The following SGCZ variants were observed in gnomAD, a reference collection of about 807,000 sequenced individuals.
SGCZ encodes the protein sarcoglycan zeta.
Under a neutral mutation model 41.3 loss-of-function variants are expected in SGCZ, and 40 were observed. The observed-to-expected ratio is 0.97, with a 90% confidence interval of 0.75 to 1.26. The LOEUF (loss-of-function observed/expected upper bound fraction) is 1.26, where lower values mean the gene tolerates loss of function less well. Ranked by LOEUF, SGCZ falls within the 50% of genes most tolerant of loss-of-function variation. The probability of loss-of-function intolerance (pLI) is 0.00; values close to 1 mark genes in which losing one functional copy is unlikely to be tolerated. For missense variants in SGCZ, 552 were observed against 369.8 expected, an observed-to-expected ratio of 1.49 and a Z score of -4.04; for synonymous variants, 206 against 137.5, an observed-to-expected ratio of 1.50 and a Z score of -3.49.
At chr8:14,846,592 G>T (rs1803111850) in intron 1 of SGCZ, among the ~76,000 whole-genome samples, 1 of 149,030 alleles carries the variant, frequency 6.7e-6, no homozygotes, top group Non-Finnish European at 1.5e-5. Context: ...GAAATGGTCA[G>T]ATCTCTTTAA....
intron 2 of SGCZ, among the ~76,000 whole-genome samples, chr8:14,519,096 T>G (rs1044874313): frequency 6.7e-6 from 1 of 148,562 alleles, no homozygotes; most frequent in African/African-American, 2.5e-5. Context: ...GACAGAGATA[T>G]ATAGTGCCTG....
At chr8:14,632,277 C>G (rs1806683438) in intron 1 of SGCZ, among the ~76,000 whole-genome samples, 1 of 152,054 alleles carries the variant, frequency 6.6e-6, no homozygotes, top group Non-Finnish European at 1.5e-5. Context: ...CCCACATCAG[C>G]CTCCCAAAGC....
intron 2 of SGCZ, among the ~76,000 whole-genome samples, chr8:14,448,634 T>C (rs1199712752): frequency 1.3e-5 from 2 of 152,196 alleles, no homozygotes; most frequent in Non-Finnish European, 2.9e-5. Context: ...AATACAATCA[T>C]AACCAAAGAA....
At chr8:14,369,995 C>T (rs139266205) in intron 2 of SGCZ, among the ~76,000 whole-genome samples, 6 of 151,798 alleles carry the variant, frequency 4.0e-5, no homozygotes, top group African/African-American at 1.4e-4. Flanking sequence ...TGGAAATATC[C>T]CACATCTGGT....
At chr8:14,234,656 CACATAA>C (rs1220131444) in intron 4 of SGCZ, among the ~76,000 whole-genome samples, 4 of 151,754 alleles carry the variant, frequency 2.6e-5, no homozygotes. Flanking sequence ...CAAGGCCATA[CACATAA>C]AAACTGAAAG....
At chr8:14,884,314 A>G (rs1308392163) in intron 1 of SGCZ, among the ~76,000 whole-genome samples, 2 of 151,944 alleles carry the variant, frequency 1.3e-5, no homozygotes, top group African/African-American at 4.8e-5. Context: ...TGAGTATATA[A>G]TAAGTTTTAC....
chr8:14,904,913 G>A (rs971145550), intron 1 of SGCZ, among the ~76,000 whole-genome samples: 3 of 151,576 alleles, frequency 2.0e-5, no homozygotes, highest in Non-Finnish European at 2.9e-5. Flanking sequence ...CTCCTCCTAT[G>A]TTTTAAATTA....
At chr8:14,506,176 AAAAC>A (rs74273419) in intron 2 of SGCZ, among the ~76,000 whole-genome samples, 75 of 151,974 alleles carry the variant, frequency 4.9e-4, no homozygotes, top group African/African-American at 1.3e-3. Flanking sequence ...TGTCTACTAA[AAAAC>A]AAACAAACAA....
chr8:14,538,234 G>C (rs1803355583), intron 2 of SGCZ, among the ~76,000 whole-genome samples: 1 of 151,882 alleles, frequency 6.6e-6, no homozygotes, highest in African/African-American at 2.4e-5. Flanking sequence ...GTCTCTGAAT[G>C]CTTTTGATGT....
intron 5 of SGCZ, among the ~76,000 whole-genome samples, chr8:14,125,594 A>G (rs1419552615): frequency 6.6e-6 from 1 of 152,188 alleles, no homozygotes; most frequent in African/African-American, 2.4e-5. Context: ...CCATCAAACT[A>G]CAATGGACAT....
intron 2 of SGCZ, among the ~76,000 whole-genome samples, chr8:14,536,948 A>G (rs1803315585): frequency 6.6e-6 from 1 of 151,976 alleles, no homozygotes. Context: ...GTCTTAAGCC[A>G]AGATTCTATA....
At chr8:14,987,563 C>G (rs930588495) in intron 1 of SGCZ, among the ~76,000 whole-genome samples, 1 of 151,900 alleles carries the variant, frequency 6.6e-6, no homozygotes, top group African/African-American at 2.4e-5. Flanking sequence ...CCACTAGTAA[C>G]TTTTCTTATT....
intron 1 of SGCZ, among the ~76,000 whole-genome samples, chr8:14,637,925 C>G (rs1159124123): frequency 6.6e-6 from 1 of 151,840 alleles, no homozygotes; most frequent in Non-Finnish European, 1.5e-5. Flanking sequence ...AATTTACATT[C>G]CTACCATCAG....
intron 1 of SGCZ, among the ~76,000 whole-genome samples, chr8:14,964,451 C>A (rs4549773): frequency 0.95 from 144,478 of 152,228 alleles, 68,755 homozygotes; most frequent in East Asian, 0.99. Flanking sequence ...TTTTTTGGAG[C>A]TGGTGATGCT....
chr8:14,805,730 G>A (rs9650378), intron 1 of SGCZ, among the ~76,000 whole-genome samples: 260 of 152,132 alleles, frequency 1.7e-3, no homozygotes, highest in Non-Finnish European at 3.0e-3. Context: ...CCAAGCGGAC[G>A]TAATAGACAT....
In SGCZ at chr8:14,971,265, GT is replaced by G. The variant is rs1801287053; in HGVS notation, c.39+266319del. On this transcript the variant is annotated intron_variant, in intron 1 of 7. Coordinates refer to ENST00000382080, the MANE Select transcript of SGCZ (RefSeq NM_139167.4). ...ATTAAATTTTATTTTATTTCATTTT[GT>G]TTTTTTGCCTTGTTTCACTGGGTAA... is the stretch of plus-strand genomic sequence containing the variant. Among the ~76,000 whole-genome samples the G allele has an allele frequency of 2.0e-5, 3 of 151,930 alleles. No individual in the cohort carries two copies. The South Asian group carries it at 6.2e-4, about 32-fold the overall frequency.
chr8:14,992,040 T>A (rs1165212673), intron 1 of SGCZ, among the ~76,000 whole-genome samples: 1 of 149,720 alleles, frequency 6.7e-6, no homozygotes, highest in East Asian at 2.0e-4. Flanking sequence ...CTCCCAAATC[T>A]ACTCCCAAAA....
intron 1 of SGCZ, among the ~76,000 whole-genome samples, chr8:15,041,717 C>T (rs561303787): frequency 6.6e-5 from 10 of 152,156 alleles, no homozygotes; most frequent in African/African-American, 2.2e-4. Context: ...TATACATGCA[C>T]AAACACATGT....
At chr8:14,600,026 T>C (rs1487024151) in intron 1 of SGCZ, among the ~76,000 whole-genome samples, 1 of 152,212 alleles carries the variant, frequency 6.6e-6, no homozygotes, top group Non-Finnish European at 1.5e-5. Context: ...GAGGTCTTTA[T>C]CCTCAGCAAG....
Sources: gnomAD v4.1 joint callset for allele counts (sites outside exome capture counted in the v4.1 genomes callset) on GRCh38, gnomAD v4.1.1 for gene constraint, MANE v1.5 for transcripts, NCBI Gene and HGNC (gene_info 2026-07-23, HGNC 2026-07-21) for gene names.